Variants in SNTG1 observed in about 807,000 individuals in gnomAD.
SNTG1 encodes the protein syntrophin gamma 1.
In SNTG1, 39 loss-of-function variants were observed where a neutral mutation model predicts 74.7. The observed-to-expected ratio is 0.52, with a 90% confidence interval of 0.40 to 0.68. The LOEUF (loss-of-function observed/expected upper bound fraction) is 0.68. SNTG1 is among the 30% of genes least tolerant of loss of function. The pLI is 0.00. For missense variants in SNTG1, 685 were observed against 609.5 expected (o/e 1.12, Z -1.30); for synonymous variants, 254 against 217.1 (o/e 1.17, Z -1.49).
chr8:50,340,555 A>G (rs2091288068), intron 2 of SNTG1, among the ~76,000 whole-genome samples: 1 of 151,980 alleles, frequency 6.6e-6, no homozygotes, highest in Admixed American at 6.6e-5. Flanking sequence ...TACAATCCTC[A>G]CAAAAATAAA....
At chr8:50,540,544 T>A (rs1263771858) in intron 11 of SNTG1, among the ~76,000 whole-genome samples, 2 of 152,162 alleles carry the variant, frequency 1.3e-5, no homozygotes, top group African/African-American at 4.8e-5. Context: ...CTCTGCATCA[T>A]TCATGATTTT....
rs569547629 is a variant in SNTG1 at position 50,514,691 on chromosome 8, T to C, written c.466+11811T>C. On this transcript the variant is annotated intron_variant, in intron 9 of 18. Coordinates refer to ENST00000642720, the MANE Select transcript of SNTG1 (RefSeq NM_018967.5). Reference sequence around the variant, plus strand: ...ATATTTTGTGTACACATAAGAAGAATGTATATTTTATTATTGTTGAGTGAA... The same window carrying C: ...ATATTTTGTGTACACATAAGAAGAACGTATATTTTATTATTGTTGAGTGAA... Among the ~76,000 whole-genome samples the C allele has an allele frequency of 3.8e-3, 580 of 152,302 alleles. 6 individuals are homozygous for C. The highest frequency in any genetic ancestry group is 0.013 in the African/African-American group (538 of 41,576).
intron 13 of SNTG1, among the ~76,000 whole-genome samples, chr8:50,644,953 G>C (rs4424266): frequency 6.9e-6 from 1 of 145,000 alleles, no homozygotes; most frequent in African/African-American, 2.6e-5. Context: ...GATGAGGTCC[G>C]CTATGTTGCC....
At chr8:49,940,545 A>T (rs1049722781) in intron 1 of SNTG1, among the ~76,000 whole-genome samples, 1 of 152,186 alleles carries the variant, frequency 6.6e-6, no homozygotes, top group African/African-American at 2.4e-5. Flanking sequence ...GCAAACTTTC[A>T]TAACATTTGG....
rs1198784994 is a variant in SNTG1 at position 49,998,648 on chromosome 8, T to A, written c.-103+86417T>A. ...CACAGTATCCTAGGCCTACATAGGT[T>A]CAGGATCATCAATGTCACTGTCTTC... On this transcript the variant is annotated intron_variant, in intron 1 of 18. Transcript: ENST00000642720. 3.4e-5 allele frequency among the ~76,000 whole-genome samples: 5 copies of A among 147,682 alleles called. No homozygotes were observed. In the Admixed American group the frequency reaches 3.4e-4, roughly 10 times the overall value.
At chr8:50,529,234 T>C (rs925973979) in intron 9 of SNTG1, among the ~76,000 whole-genome samples, 1 of 151,930 alleles carries the variant, frequency 6.6e-6, no homozygotes, top group Non-Finnish European at 1.5e-5. Flanking sequence ...TAAAACATAG[T>C]GTGATATTCT....
intron 2 of SNTG1, among the ~76,000 whole-genome samples, chr8:50,250,129 T>TA (rs1563798310): frequency 6.6e-6 from 1 of 151,484 alleles, no homozygotes; most frequent in Admixed American, 6.6e-5. Flanking sequence ...ATAGATACTA[T>TA]AAAAAACAGA....
At chr8:50,342,821 A>T (rs1481841791) in intron 2 of SNTG1, among the ~76,000 whole-genome samples, 1 of 152,180 alleles carries the variant, frequency 6.6e-6, no homozygotes, top group Non-Finnish European at 1.5e-5. Flanking sequence ...CTGGGCATTT[A>T]GAAGTCCTAA....
chr8:50,117,824 T>C lies in SNTG1; in HGVS notation c.-102-54737T>C, dbSNP rs374887582. On this transcript the variant is annotated intron_variant, in intron 1 of 18. Coordinates refer to ENST00000642720, the MANE Select transcript of SNTG1 (RefSeq NM_018967.5). ...ACATTTCCTCTATTCATTTATATTTTCTTCTTTAATATTAATATTAGGTCT... is the reference window on the plus strand; with the variant it reads ...ACATTTCCTCTATTCATTTATATTTCCTTCTTTAATATTAATATTAGGTCT... 4.3e-4 allele frequency among the ~76,000 whole-genome samples: 65 copies of C among 152,264 alleles called. 2 individuals are homozygous for C. The highest frequency in any genetic ancestry group is 1.6e-3 in the African/African-American group (65 of 41,568).
At chr8:50,660,095 C>T (rs1311753511) in intron 15 of SNTG1, among the ~76,000 whole-genome samples, 3 of 152,052 alleles carry the variant, frequency 2.0e-5, no homozygotes, top group African/African-American at 7.2e-5. Flanking sequence ...CTACCTCCGC[C>T]TCCCAAAGTG....
chr8:50,200,822 TAA>T (rs1332228867), intron 2 of SNTG1, among the ~76,000 whole-genome samples: 2 of 152,036 alleles, frequency 1.3e-5, no homozygotes, highest in East Asian at 3.9e-4. Context: ...AAACTAGGGC[TAA>T]AAAAAGTAAA....
chr8:50,120,077 T>C (rs1483625245), intron 1 of SNTG1, among the ~76,000 whole-genome samples: 1 of 141,866 alleles, frequency 7.0e-6, no homozygotes, highest in African/African-American at 2.5e-5. Context: ...CCATTTACCT[T>C]GGACACATTG....
chr8:50,776,129 T>C (rs1483718752), intron 18 of SNTG1, among the ~76,000 whole-genome samples: 2 of 151,172 alleles, frequency 1.3e-5, no homozygotes, highest in African/African-American at 4.8e-5. Flanking sequence ...TTTATAATTA[T>C]ATATTTGAAT....
At chr8:50,597,437 CAT>C (rs1235974567) in intron 13 of SNTG1, among the ~76,000 whole-genome samples, 1 of 117,836 alleles carries the variant, frequency 8.5e-6, no homozygotes, top group East Asian at 2.7e-4. Flanking sequence ...ATATATGCCA[CAT>C]GTTCTTTATT....
intron 15 of SNTG1, among the ~76,000 whole-genome samples, chr8:50,684,208 T>C (rs1170270795): frequency 6.6e-6 from 1 of 152,192 alleles, no homozygotes; most frequent in Non-Finnish European, 1.5e-5. Context: ...TAGCTATTTC[T>C]CTGGAAAACC....
At chr8:50,752,199 G>A in intron 18 of SNTG1, 88 bp downstream of exon 18, 1 of 597,628 alleles carries the variant, frequency 1.7e-6, no homozygotes, top group Non-Finnish European at 2.7e-6. Context: ...GGAATCACAA[G>A]ACCAAAAACA....
intron 2 of SNTG1, among the ~76,000 whole-genome samples, chr8:50,198,841 C>T (rs1006566167): frequency 9.2e-5 from 14 of 152,092 alleles, no homozygotes; most frequent in African/African-American, 3.4e-4. Flanking sequence ...CAAGTCTTTT[C>T]GTAGAGTATC....
chr8:50,779,196 G>A (rs1450015349), intron 18 of SNTG1, among the ~76,000 whole-genome samples: 1 of 152,076 alleles, frequency 6.6e-6, no homozygotes, highest in Non-Finnish European at 1.5e-5. Context: ...GCTCTTTTTT[G>A]GTTCCATATG....
chr8:50,504,644 ACC>A (rs1403648125), intron 9 of SNTG1, among the ~76,000 whole-genome samples: 80 of 151,800 alleles, frequency 5.3e-4, no homozygotes, highest in African/African-American at 1.7e-3. Context: ...ATACAAAAAA[ACC>A]CCAAAATAGC....
Sources: gnomAD v4.1 joint callset for allele counts (sites outside exome capture counted in the v4.1 genomes callset) on GRCh38, gnomAD v4.1.1 for gene constraint, MANE v1.5 for transcripts, NCBI Gene and HGNC (gene_info 2026-07-23, HGNC 2026-07-21) for gene names.